Variants in PDS5A observed in about 807,000 individuals in gnomAD.
PDS5A encodes the protein sister chromatid cohesion protein PDS5 homolog A.
PDS5A carries 42 observed loss-of-function variants against 167.1 expected under a neutral mutation model. The observed-to-expected ratio is 0.25, with a 90% CI of 0.20 to 0.33. The LOEUF (loss-of-function observed/expected upper bound fraction) is 0.33. Among genes scored for constraint, PDS5A ranks in the 10% least tolerant of loss-of-function variants. PDS5A has a pLI of 1.00. For synonymous variants in PDS5A, 553 were observed against 554.6 expected, an observed-to-expected ratio of 1.00 and a Z score of 0.04; for missense variants, 1,033 against 1,605.9, an observed-to-expected ratio of 0.64 and a Z score of 6.10.
At chr4:39,887,043 T>C (rs1295682903) in intron 17 of PDS5A, among the ~76,000 whole-genome samples, 1 of 152,154 alleles carries the variant, frequency 6.6e-6, no homozygotes, top group Non-Finnish European at 1.5e-5. Flanking sequence ...GCTTTTTCTG[T>C]GATAATGTCA....
intron 2 of PDS5A, among the ~76,000 whole-genome samples, chr4:39,962,782 C>T (rs1026290944): frequency 2.0e-5 from 3 of 151,750 alleles, no homozygotes; most frequent in African/African-American, 7.3e-5. Flanking sequence ...GGCAACAGAG[C>T]GAGACTCCGT....
intron 14 of PDS5A, 111 bp downstream of exon 14, chr4:39,900,315 T>A (rs559833239): frequency 3.0e-6 from 2 of 665,560 alleles, no homozygotes; most frequent in Admixed American, 5.2e-5. Context: ...TAACTGACAT[T>A]TGGAAAATAA....
intron 10 of PDS5A, 26 bp from the exon 11 acceptor site, chr4:39,908,566 G>A: frequency 7.1e-7 from 1 of 1,407,472 alleles, no homozygotes; most frequent in Non-Finnish European, 9.9e-7. Context: ...AAAAACTTAG[G>A]CTAAATGTTA....
At chr4:39,960,771 C>T (rs1429739582) in intron 2 of PDS5A, among the ~76,000 whole-genome samples, 1 of 151,836 alleles carries the variant, frequency 6.6e-6, no homozygotes, top group Non-Finnish European at 1.5e-5. Flanking sequence ...CTCACTGCAA[C>T]CTCCACCTCC....
At chr4:39,903,390 C>A (rs929696431) in intron 12 of PDS5A, among the ~76,000 whole-genome samples, 3 of 152,168 alleles carry the variant, frequency 2.0e-5, no homozygotes, top group Non-Finnish European at 2.9e-5. Flanking sequence ...TATACAAGAT[C>A]TCTTAATTAA....
chr4:39,854,770 G>GTAC (rs540288527), intron 26 of PDS5A, among the ~76,000 whole-genome samples: 12 of 152,050 alleles, frequency 7.9e-5, no homozygotes, highest in Non-Finnish European at 1.6e-4. Flanking sequence ...AGAACTTAGC[G>GTAC]TACCTGGCAC....
intron 22 of PDS5A, 64 bp downstream of exon 22, chr4:39,869,330 G>T: frequency 2.1e-6 from 2 of 967,970 alleles, no homozygotes; most frequent in Non-Finnish European, 3.4e-6. Context: ...TTAAAGGTGA[G>T]GAAGATAACT....
intron 2 of PDS5A, among the ~76,000 whole-genome samples, chr4:39,971,513 A>C (rs1169953842): frequency 6.6e-6 from 1 of 152,014 alleles, no homozygotes; most frequent in Non-Finnish European, 1.5e-5. Context: ...CCCAGGCTAT[A>C]GTGCAGTGGC....
At chr4:39,916,190 T>C (rs1182292295) in intron 8 of PDS5A, among the ~76,000 whole-genome samples, 1 of 107,644 alleles carries the variant, frequency 9.3e-6, no homozygotes, top group African/African-American at 2.8e-5. Flanking sequence ...AGACTCCGTC[T>C]CAAAAAAACA....
intron 31 of PDS5A, among the ~76,000 whole-genome samples, chr4:39,841,152 T>G (rs1195874449): frequency 6.6e-6 from 1 of 152,096 alleles, no homozygotes; most frequent in African/African-American, 2.4e-5. Context: ...TCTCAATTCC[T>G]TTTTTGAGAC....
rs750519779 is a variant in PDS5A, at chr4:39,926,729, T to A, written c.429+46A>T. On this transcript the variant is annotated intron_variant, in intron 4 of 32. Coordinates refer to ENST00000303538, the MANE Select transcript of PDS5A (RefSeq NM_001100399.2). Reference sequence around the variant, plus strand: ...CAAAGTTAACATGAAGAATTTGCTATCATGTGAAATAATGTTAATAGTTAT... The same window carrying A: ...CAAAGTTAACATGAAGAATTTGCTAACATGTGAAATAATGTTAATAGTTAT... The A allele has an allele frequency of 7.5e-6, 9 of 1,194,850 alleles. No individual in the cohort carries two copies. In the South Asian group the frequency reaches 1.6e-4, roughly 21 times the overall value. The allele number at this position is 1,194,850 out of a possible 1,614,324, so 74.0% of individuals were successfully genotyped here. A position where few individuals can be genotyped will look rare whatever the true frequency, so the allele number is the denominator to read the frequency against.
intron 2 of PDS5A, among the ~76,000 whole-genome samples, chr4:39,967,381 C>T (rs1263947982): frequency 1.3e-5 from 2 of 152,090 alleles, no homozygotes; most frequent in African/African-American, 2.4e-5. Flanking sequence ...GGCGTGGTGG[C>T]TTATGCCTGT....
intron 2 of PDS5A, chr4:39,973,596 T>C: frequency 7.8e-7 from 1 of 1,282,784 alleles, no homozygotes; most frequent in Non-Finnish European, 1.1e-6. Context: ...GTTTCGTATG[T>C]TTCTCCTTCC....
chr4:39,891,895 G>A (rs1185905330), intron 16 of PDS5A, among the ~76,000 whole-genome samples: 1 of 151,966 alleles, frequency 6.6e-6, no homozygotes, highest in African/African-American at 2.4e-5. Flanking sequence ...GATTGCCTGA[G>A]CTCAAGAGTT....
At chr4:39,946,558 A>G (rs565646546) in intron 2 of PDS5A, among the ~76,000 whole-genome samples, 9 of 152,240 alleles carry the variant, frequency 5.9e-5, no homozygotes, top group African/African-American at 2.2e-4. Context: ...ACTGACCAAG[A>G]AAAAAAGACC....
At chr4:39,872,070 T>C (rs541783707) in intron 21 of PDS5A, among the ~76,000 whole-genome samples, 1 of 152,036 alleles carries the variant, frequency 6.6e-6, no homozygotes, top group South Asian at 2.1e-4. Context: ...ATCTATACAT[T>C]CCAACCCAGA....
intron 2 of PDS5A, among the ~76,000 whole-genome samples, chr4:39,945,262 C>T (rs558367386): frequency 6.6e-6 from 1 of 151,894 alleles, no homozygotes; most frequent in East Asian, 1.9e-4. Context: ...AGATCGAGAC[C>T]ATCCTGGCTA....
chr4:39,964,328 G>A (rs1206481647), intron 2 of PDS5A, among the ~76,000 whole-genome samples: 3 of 152,188 alleles, frequency 2.0e-5, no homozygotes, highest in Non-Finnish European at 2.9e-5. Flanking sequence ...ACTCATGGCT[G>A]ACTGGCTGAT....
intron 2 of PDS5A, among the ~76,000 whole-genome samples, chr4:39,930,215 CAAAAAAAAAAAA>C (rs764983592): frequency 9.4e-4 from 33 of 35,090 alleles, no homozygotes; most frequent in South Asian, 8.6e-3. Flanking sequence ...GACTCCATCT[CAAAAAAAAAAAA>C]AAAAAAAAAA....
Sources: allele counts gnomAD v4.1 joint callset (sites outside exome capture counted in the v4.1 genomes callset), GRCh38; gene constraint gnomAD v4.1.1; transcripts MANE v1.5; gene names NCBI Gene and HGNC (gene_info 2026-07-23, HGNC 2026-07-21).